Variants in YTHDC1 observed in about 807,000 individuals in gnomAD.
YTHDC1 encodes the protein YTH N6-methyladenosine RNA binding protein C1.
A neutral mutation model predicts 107.0 loss-of-function variants in YTHDC1; 12 were observed. The observed-to-expected ratio is 0.11, with a 90% CI of 0.07 to 0.18. The LOEUF is 0.18. Ranked by LOEUF, YTHDC1 falls within the 10% of genes least tolerant of loss-of-function variation. The probability of loss-of-function intolerance (pLI) is 1.00; values close to 1 mark genes in which losing one functional copy is unlikely to be tolerated. For missense variants in YTHDC1, 635 were observed against 898.8 expected (o/e 0.71, Z 3.75); for synonymous variants, 280 against 289.5 (o/e 0.97, Z 0.33).
At chr4:68,340,559 TA>T (rs888374151) in intron 1 of YTHDC1, among the ~76,000 whole-genome samples, 4 of 151,782 alleles carry the variant, frequency 2.6e-5, no homozygotes, top group African/African-American at 7.2e-5. Context: ...CTCTAAATTA[TA>T]AAAAAAATAG....
chr4:68,333,698 A>G (rs992750779), intron 4 of YTHDC1, among the ~76,000 whole-genome samples: 8 of 151,684 alleles, frequency 5.3e-5, no homozygotes, highest in Non-Finnish European at 8.8e-5. Context: ...GCGGGGGGGG[A>G]AATTTGCAAA....
At position 68,325,966 on chromosome 4, in the gene YTHDC1, A is replaced by C. The variant is rs545330649; in HGVS notation, c.1350-1743T>G. Reference sequence around the variant, plus strand: ...CCTTTTCAGGCTCTCAGAAGTAGAAAGACTAGAACAAGTCCACATCAAAGC... The same window carrying C: ...CCTTTTCAGGCTCTCAGAAGTAGAACGACTAGAACAAGTCCACATCAAAGC... On this transcript the variant is annotated intron_variant, in intron 9 of 16. Coordinates refer to ENST00000344157, the MANE Select transcript of YTHDC1 (RefSeq NM_001031732.4). Among the ~76,000 whole-genome samples, 10 of 152,252 alleles carry C rather than the reference A, an allele frequency of 6.6e-5. No individual in the cohort carries two copies. The South Asian group carries it at 2.1e-3, about 32-fold the overall frequency.
intron 8 of YTHDC1, 30 bp from the exon 9 acceptor site, chr4:68,330,149 T>C: frequency 6.3e-7 from 1 of 1,577,448 alleles, no homozygotes; most frequent in Non-Finnish European, 8.7e-7. Context: ...ATATAATATG[T>C]AGATGCTAAT....
At chr4:68,334,033 T>C (rs1723886190) in intron 4 of YTHDC1, among the ~76,000 whole-genome samples, 1 of 152,160 alleles carries the variant, frequency 6.6e-6, no homozygotes, top group Admixed American at 6.5e-5. Flanking sequence ...AGCCTGTGTA[T>C]TTCTGTAAGA....
At chr4:68,343,294 G>A (rs1725052241) in intron 1 of YTHDC1, among the ~76,000 whole-genome samples, 1 of 151,596 alleles carries the variant, frequency 6.6e-6, no homozygotes, top group Non-Finnish European at 1.5e-5. Flanking sequence ...CACTTCCCAG[G>A]TTCAAGTGAT....
intron 16 of YTHDC1, among the ~76,000 whole-genome samples, chr4:68,315,104 T>C (rs1194545441): frequency 6.6e-6 from 1 of 152,182 alleles, no homozygotes; most frequent in East Asian, 1.9e-4. Flanking sequence ...AGACTTCCTA[T>C]TTTAAAAGCC....
intron 9 of YTHDC1, among the ~76,000 whole-genome samples, chr4:68,326,111 C>T (rs1722966673): frequency 6.6e-6 from 1 of 151,944 alleles, no homozygotes; most frequent in Admixed American, 6.6e-5. Flanking sequence ...CCTACAGCCA[C>T]CAAAATATAA....
Position 68,322,605 on chromosome 4 carries a change from T to C in YTHDC1, c.1601+144A>G, listed in dbSNP as rs1722554951. On this transcript the variant is annotated intron_variant, in intron 11 of 16. Coordinates refer to ENST00000344157, the MANE Select transcript of YTHDC1 (RefSeq NM_001031732.4). This position sits in a 1 kb window ranked among gnomAD's most constrained non-coding sequence, Gnocchi z 4.8. The stretch of plus-strand genomic sequence containing the variant: ...CAAGGTGACCATGTGAAATCCTCAA[T>C]GAAGCCACAAACTAGTCCATGCAGC... 7.0e-6 allele frequency: 7 copies of C among 1,000,060 alleles called. No individual in the cohort carries two copies. Among genetic ancestry groups the C allele is most frequent in the Non-Finnish European group, 8.4e-6 (6 of 710,134 alleles). 61.9% of individuals were successfully genotyped at this position (1,000,060 alleles called of 1,614,324 possible).
chr4:68,320,061 A>C, intron 12 of YTHDC1, 62 bp downstream of exon 12: 1 of 1,434,484 alleles, frequency 7.0e-7, no homozygotes, highest in East Asian at 2.4e-5. Context: ...GGTTGTTTTT[A>C]ATTTTTTAAT....
rs1052702898 is a variant in YTHDC1, at chr4:68,324,171, G to A, written c.1402C>T (p.His468Tyr). ...TCACGTCCGATCTTTACTGGTTTAT[G>A]TTCATTCCAAGGATTGGTGAGATGA... Reference protein sequence around the residue: ...SAHLTNPWNEHKPVKIGRDGQ... With the variant: ...SAHLTNPWNEYKPVKIGRDGQ... The change falls in exon 10 of 17, where the codon CAT becomes TAT. Residue 468 changes from histidine to tyrosine, a missense_variant. By Grantham distance (83) the His-to-Tyr change is moderately conservative (BLOSUM62 2). Transcript: ENST00000344157. The A allele has an allele frequency of 1.2e-6, 2 of 1,613,952 alleles. No individual in the cohort carries two copies. Among genetic ancestry groups the A allele is most frequent in the Non-Finnish European group, 1.7e-6 (2 of 1,179,924 alleles).
At chr4:68,327,663 G>GA (rs1280058874) in intron 9 of YTHDC1, among the ~76,000 whole-genome samples, 1 of 151,918 alleles carries the variant, frequency 6.6e-6, no homozygotes. Flanking sequence ...ATCTGCAAAA[G>GA]AAAAAAATAT....
chr4:68,345,052 C>A (rs1365043593), intron 1 of YTHDC1, among the ~76,000 whole-genome samples: 2 of 152,076 alleles, frequency 1.3e-5, no homozygotes, highest in African/African-American at 4.8e-5. Flanking sequence ...CAAAAAAAAT[C>A]ATTATTTTTA....
intron 1 of YTHDC1, among the ~76,000 whole-genome samples, chr4:68,342,566 A>G (rs1724949059): frequency 6.6e-6 from 1 of 152,220 alleles, no homozygotes; most frequent in Non-Finnish European, 1.5e-5. Context: ...AGTTTTATTT[A>G]AGGGTAAATA....
At chr4:68,340,524 A>G (rs1724697253) in intron 1 of YTHDC1, among the ~76,000 whole-genome samples, 1 of 152,066 alleles carries the variant, frequency 6.6e-6, no homozygotes, top group African/African-American at 2.4e-5. Context: ...TCAAGATCTG[A>G]ATGGTGGCAA....
intron 4 of YTHDC1, among the ~76,000 whole-genome samples, chr4:68,336,009 T>G (rs1294808946): frequency 6.8e-6 from 1 of 147,992 alleles, no homozygotes; most frequent in Non-Finnish European, 1.5e-5. Context: ...AAATATATAG[T>G]ATAAAATATA....
intron 7 of YTHDC1, among the ~76,000 whole-genome samples, chr4:68,331,163 A>G (rs1723540196): frequency 6.6e-6 from 1 of 152,172 alleles, no homozygotes; most frequent in Non-Finnish European, 1.5e-5. Context: ...TGTAAATGCT[A>G]TGTGAATAGT....
intron 1 of YTHDC1, among the ~76,000 whole-genome samples, chr4:68,348,474 C>CA (rs34746525): frequency 0.024 from 2,859 of 120,886 alleles, 33 homozygotes; most frequent in Middle Eastern, 0.031. Flanking sequence ...CTGGATTTCT[C>CA]AAAAAAAAAA....
rs991945617 is a variant in YTHDC1, at chr4:68,350,024, G to A, written c.-271C>T. The A allele has an allele frequency of 1.8e-6, 1 of 558,962 alleles. No individual in the cohort carries two copies. The highest frequency in any genetic ancestry group is 3.2e-6 in the Non-Finnish European group (1 of 315,534). The allele number at this position is 558,962 out of a possible 1,614,324, so 34.6% of individuals were successfully genotyped here. ...AGGTATGGGGGAGGGAAGGGAAACAGATGGCGACGGCGGGCGGCGCTAAAA... is the reference window on the plus strand; with the variant it reads ...AGGTATGGGGGAGGGAAGGGAAACAAATGGCGACGGCGGGCGGCGCTAAAA... On this transcript the variant is annotated 5_prime_UTR_variant, in exon 1 of 17. Coordinates refer to ENST00000344157, the MANE Select transcript of YTHDC1 (RefSeq NM_001031732.4).
At chr4:68,325,348 A>T (rs1722879058) in intron 9 of YTHDC1, among the ~76,000 whole-genome samples, 2 of 152,200 alleles carry the variant, frequency 1.3e-5, no homozygotes, top group East Asian at 3.8e-4. Flanking sequence ...TTCATGAAAG[A>T]AGTGGTACAA....
Sources: allele counts gnomAD v4.1 joint callset (sites outside exome capture counted in the v4.1 genomes callset), GRCh38; gene constraint gnomAD v4.1.1; non-coding constraint Gnocchi (gnomAD v3.1); transcripts MANE v1.5; gene names NCBI Gene and HGNC (gene_info 2026-07-23, HGNC 2026-07-21).